The following SYN2 variants were observed in gnomAD, a reference collection of about 807,000 sequenced individuals.
SYN2 encodes the protein synapsin II, also known as synapsin-2.
In SYN2, 19 loss-of-function variants were observed where a neutral mutation model predicts 50.9. The ratio of observed to expected loss-of-function variants is 0.37; its 90% CI spans 0.26 to 0.55. The LOEUF is 0.55. SYN2 is among the 20% of genes least tolerant of loss of function. The pLI, the probability that SYN2 is intolerant of heterozygous loss-of-function variation, is 0.81. For synonymous variants in SYN2, 255 were observed against 224.9 expected, an observed-to-expected ratio of 1.13 and a Z score of -1.20; for missense variants, 587 against 576.4, an observed-to-expected ratio of 1.02 and a Z score of -0.19.
intron 1 of SYN2, among the ~76,000 whole-genome samples, chr3:12,024,836 A>G (rs1042379511): frequency 1.3e-5 from 2 of 152,166 alleles, no homozygotes; most frequent in Admixed American, 6.5e-5. Flanking sequence ...GGGCATATGT[A>G]TATTCAGCTT....
intron 1 of SYN2, among the ~76,000 whole-genome samples, chr3:12,107,121 A>C (rs896858292): frequency 5.9e-5 from 9 of 152,128 alleles, no homozygotes; most frequent in Non-Finnish European, 1.0e-4. Flanking sequence ...CTGTTCAAGC[A>C]TACTATTTCA....
At chr3:12,097,370 G>A (rs1695956976) in intron 1 of SYN2, among the ~76,000 whole-genome samples, 1 of 152,130 alleles carries the variant, frequency 6.6e-6, no homozygotes, top group Non-Finnish European at 1.5e-5. Context: ...ACTTTGGGAG[G>A]CCAAGATGGG....
chr3:12,053,392 G>A lies in SYN2; in HGVS notation c.377+48464G>A, dbSNP rs549672103. Among the ~76,000 whole-genome samples, 17 of 152,254 alleles carry A rather than the reference G, an allele frequency of 1.1e-4. No individual in the cohort carries two copies. In the South Asian group the frequency reaches 3.5e-3, roughly 32 times the overall value. ...GCCGAGATCACACCACTGCACTCCA[G>A]CCTGGGCAACAGTGCGAGACTTTGT... On this transcript the variant is annotated intron_variant, in intron 1 of 12. Transcript: ENST00000621198.
chr3:12,140,741 G>A (rs748505116), intron 2 of SYN2, 33 bp downstream of exon 2: 89 of 736,870 alleles, frequency 1.2e-4, no homozygotes, highest in South Asian at 9.6e-4. Flanking sequence ...CTGCATCCCC[G>A]TCATCACAGT....
At chr3:12,009,938 AC>A (rs1271737204) in intron 1 of SYN2, among the ~76,000 whole-genome samples, 3 of 151,446 alleles carry the variant, frequency 2.0e-5, no homozygotes, top group African/African-American at 7.2e-5. Flanking sequence ...CTACTAAAAT[AC>A]AAAAAATTAG....
chr3:12,153,586 C>A (rs1326802378), intron 5 of SYN2: 2 of 1,614,130 alleles, frequency 1.2e-6, no homozygotes, highest in Non-Finnish European at 1.7e-6. Context: ...CAGGTGCCGT[C>A]AACATGCTTC....
At position 12,190,710 on chromosome 3, in the gene SYN2, T is replaced by C; in HGVS notation, c.*85T>C. On this transcript the variant is annotated 3_prime_UTR_variant, in exon 13 of 13. Transcript: ENST00000621198. ...CAACAGTCAGCCAGCTTGGTGGTTA[T>C]GTCCCATGACCTTGACGTGTGTGGT... 1 of 1,553,394 alleles carries C rather than the reference T, an allele frequency of 6.4e-7. No homozygotes were observed. The highest frequency in any genetic ancestry group is 8.7e-7 in the Non-Finnish European group (1 of 1,152,218).
intron 1 of SYN2, among the ~76,000 whole-genome samples, chr3:12,016,746 C>T (rs12492981): frequency 0.03 from 4,492 of 152,186 alleles, 155 homozygotes; most frequent in East Asian, 0.19. Flanking sequence ...ATCCCAGCTA[C>T]TCGGGAGGCT....
chr3:12,161,691 C>A, intron 6 of SYN2, 83 bp downstream of exon 6: 1 of 1,432,562 alleles, frequency 7.0e-7, no homozygotes, highest in Non-Finnish European at 9.8e-7. Flanking sequence ...CTGCTATTCT[C>A]CCTCTGTCAC....
intron 11 of SYN2, chr3:12,184,767 G>T: frequency 1.0e-6 from 1 of 985,890 alleles, no homozygotes; most frequent in East Asian, 1.1e-4. Context: ...ATTAAACCAG[G>T]CCTCAGCTTC....
intron 1 of SYN2, among the ~76,000 whole-genome samples, chr3:12,061,353 G>A (rs307597): frequency 0.64 from 97,574 of 151,962 alleles, 33,845 homozygotes; most frequent in South Asian, 0.78. Context: ...AAAATGCAAC[G>A]TTGATTCATG....
chr3:12,070,283 G>T, intron 1 of SYN2: 1 of 488,410 alleles, frequency 2.0e-6, no homozygotes, highest in Non-Finnish European at 4.1e-6. Flanking sequence ...TACAAAGCTG[G>T]ATTTGCTGGG....
chr3:12,006,468 G>C (rs575013744), intron 1 of SYN2, among the ~76,000 whole-genome samples: 1 of 152,308 alleles, frequency 6.6e-6, no homozygotes, highest in South Asian at 2.1e-4. Context: ...AGCTAGTAAA[G>C]GTGCTCAGTC....
At chr3:12,023,710 A>G (rs1216292876) in intron 1 of SYN2, among the ~76,000 whole-genome samples, 5 of 152,198 alleles carry the variant, frequency 3.3e-5, no homozygotes, top group African/African-American at 7.2e-5. Context: ...GAGTGAGTTG[A>G]TAAGTGCTGT....
chr3:12,070,473 G>A, intron 1 of SYN2: 2 of 605,840 alleles, frequency 3.3e-6, no homozygotes, highest in South Asian at 2.8e-5. Context: ...CATCAACTGG[G>A]ATGACATGAA....
At position 12,141,894 on chromosome 3, in the gene SYN2, T is replaced by C. The variant is rs935476483; in HGVS notation, c.436-11T>C. 1.0e-5 allele frequency: 8 copies of C among 780,722 alleles called. No individual in the cohort carries two copies. Among genetic ancestry groups the C allele is most frequent in the East Asian group, 2.4e-5 (1 of 41,268 alleles). 48.4% of individuals were successfully genotyped at this position (780,722 alleles called of 1,614,324 possible). On this transcript the variant is annotated splice_polypyrimidine_tract_variant and intron_variant, in intron 2 of 12. Transcript: ENST00000621198. Reference sequence around the variant, plus strand: ...GGATTGTGAACTTATTCCCCTGTTATTATTTTCCAGGCAGAATTTTCAGAG... The same window carrying C: ...GGATTGTGAACTTATTCCCCTGTTACTATTTTCCAGGCAGAATTTTCAGAG...
intron 1 of SYN2, among the ~76,000 whole-genome samples, chr3:12,053,441 AAACAAAAC>A (rs1443236071): frequency 6.6e-5 from 10 of 151,996 alleles, no homozygotes; most frequent in African/African-American, 2.4e-4. Context: ...AAACAAAACA[AAACAAAAC>A]AAAAAAATAT....
chr3:12,154,432 T>C (rs2125227990), intron 5 of SYN2: 2 of 1,614,068 alleles, frequency 1.2e-6, no homozygotes, highest in Non-Finnish European at 1.7e-6. Flanking sequence ...TGAAGACTTT[T>C]CCATCACTGA....
intron 1 of SYN2, among the ~76,000 whole-genome samples, chr3:12,091,248 A>AT: frequency 6.6e-6 from 1 of 152,318 alleles, no homozygotes; most frequent in Middle Eastern, 3.4e-3. Flanking sequence ...CTCTATGGGT[A>AT]TTCTGTGAGG....
Sources: gnomAD v4.1 joint callset for allele counts (sites outside exome capture counted in the v4.1 genomes callset) on GRCh38, gnomAD v4.1.1 for gene constraint, MANE v1.5 for transcripts, NCBI Gene and HGNC (gene_info 2026-07-23, HGNC 2026-07-21) for gene names.